Variants in DTNBP1 observed in about 807,000 individuals in gnomAD.
DTNBP1 encodes the protein dysbindin.
A neutral mutation model predicts 42.8 loss-of-function variants in DTNBP1; 35 were observed. The ratio of observed to expected loss-of-function variants is 0.82; its 90% confidence interval spans 0.63 to 1.09. The LOEUF (loss-of-function observed/expected upper bound fraction) is 1.09. Ranked by LOEUF, DTNBP1 falls within the 50% of genes least tolerant of loss-of-function variation. DTNBP1 has a pLI of 0.00. For synonymous variants in DTNBP1, 171 were observed against 162.2 expected (o/e 1.05, Z -0.41); for missense variants, 457 against 424.2 (o/e 1.08, Z -0.68).
At chr6:15,596,475 C>T (rs920768379) in intron 6 of DTNBP1, among the ~76,000 whole-genome samples, 4 of 152,214 alleles carry the variant, frequency 2.6e-5, no homozygotes, top group African/African-American at 9.7e-5. Flanking sequence ...GAGACCACTT[C>T]TCTGTTTTCA....
chr6:15,614,240 TA>T (rs1301801011), intron 6 of DTNBP1, among the ~76,000 whole-genome samples: 1 of 151,854 alleles, frequency 6.6e-6, no homozygotes, highest in Non-Finnish European at 1.5e-5. Flanking sequence ...TCATTGGGGG[TA>T]GGGGGGTGGT....
chr6:15,615,739 A>C (rs918811531), intron 5 of DTNBP1, among the ~76,000 whole-genome samples: 1 of 152,256 alleles, frequency 6.6e-6, no homozygotes, highest in African/African-American at 2.4e-5. Context: ...TTTTCACATA[A>C]GAATATGGTA....
At chr6:15,622,788 G>C (rs1410903077) in intron 5 of DTNBP1, among the ~76,000 whole-genome samples, 2 of 152,184 alleles carry the variant, frequency 1.3e-5, no homozygotes, top group African/African-American at 4.8e-5. Context: ...CCGTCCCAGA[G>C]GAAAAGCAAT....
chr6:15,611,994 A>C (rs1038397591), intron 6 of DTNBP1, among the ~76,000 whole-genome samples: 3 of 152,258 alleles, frequency 2.0e-5, no homozygotes, highest in African/African-American at 7.2e-5. Context: ...GATTGATTCC[A>C]ATTTTTTAAG....
At position 15,587,214 on chromosome 6, in the gene DTNBP1, T is replaced by C. The variant is rs1474576705; in HGVS notation, c.511+5845A>G. On this transcript the variant is annotated intron_variant, in intron 7 of 9. Coordinates refer to ENST00000344537, the MANE Select transcript of DTNBP1 (RefSeq NM_032122.5). The surrounding 1 kb of genome is among the most constrained non-coding windows in gnomAD (Gnocchi z 4.1). ...AGGAATAAATTTAAGACTCACATAT[T>C]GAAAACAACAAAACTGCTTAGAAAA... 3.9e-5 allele frequency among the ~76,000 whole-genome samples: 6 copies of C among 152,186 alleles called. No individual in the cohort carries two copies. The highest frequency in any genetic ancestry group is 1.4e-4 in the African/African-American group (6 of 41,438).
chr6:15,588,935 T>C (rs150652242), intron 7 of DTNBP1, among the ~76,000 whole-genome samples: 47 of 152,354 alleles, frequency 3.1e-4, no homozygotes, highest in African/African-American at 1.1e-3. Context: ...TTCTATATTA[T>C]ATTCAAATTA....
At chr6:15,640,153 A>G (rs764696815) in intron 3 of DTNBP1, among the ~76,000 whole-genome samples, 2 of 152,298 alleles carry the variant, frequency 1.3e-5, no homozygotes, top group Non-Finnish European at 2.9e-5. Context: ...AATCCATTAC[A>G]ATGTATGCTA....
At chr6:15,654,765 G>A (rs1173702713) in intron 1 of DTNBP1, among the ~76,000 whole-genome samples, 3 of 152,096 alleles carry the variant, frequency 2.0e-5, no homozygotes, top group Admixed American at 6.5e-5. Context: ...TTAAAAATTG[G>A]TCTTTAACCA....
At chr6:15,573,647 GA>G (rs537355144) in intron 7 of DTNBP1, among the ~76,000 whole-genome samples, 6 of 147,358 alleles carry the variant, frequency 4.1e-5, no homozygotes, top group East Asian at 3.9e-4. Context: ...TGTCTCAGAA[GA>G]AAAAAAAAAC....
intron 7 of DTNBP1, among the ~76,000 whole-genome samples, chr6:15,591,689 T>C (rs974612832): frequency 3.9e-5 from 6 of 152,214 alleles, no homozygotes; most frequent in African/African-American, 1.2e-4. Flanking sequence ...TCTCTGAATA[T>C]TGTCACACTA....
intron 9 of DTNBP1, chr6:15,524,207 C>T: frequency 1.3e-6 from 2 of 1,509,002 alleles, no homozygotes; most frequent in Non-Finnish European, 1.8e-6. Flanking sequence ...CCTGCAAACG[C>T]CAGTCCTTAA....
intron 4 of DTNBP1, among the ~76,000 whole-genome samples, chr6:15,628,508 C>A (rs554967939): frequency 1.4e-5 from 2 of 145,252 alleles, no homozygotes; most frequent in South Asian, 2.1e-4. Flanking sequence ...CAGGTTCATG[C>A]GATTCTCCTG....
At chr6:15,567,628 C>G (rs1445864592) in intron 7 of DTNBP1, among the ~76,000 whole-genome samples, 1 of 152,212 alleles carries the variant, frequency 6.6e-6, no homozygotes, top group Non-Finnish European at 1.5e-5. Flanking sequence ...ATTGTCCCAT[C>G]TTTCTGGATC....
intron 4 of DTNBP1, among the ~76,000 whole-genome samples, chr6:15,631,302 G>C (rs1441526613): frequency 2.0e-5 from 3 of 152,124 alleles, no homozygotes; most frequent in Non-Finnish European, 4.4e-5. Context: ...CTTTTGATGA[G>C]CTGTGGGTTT....
chr6:15,615,980 C>T (rs1223023533), intron 5 of DTNBP1, among the ~76,000 whole-genome samples: 1 of 152,228 alleles, frequency 6.6e-6, no homozygotes, highest in East Asian at 1.9e-4. Flanking sequence ...GGTGACTAGT[C>T]TTTCACTACT....
chr6:15,584,641 C>A (rs1360355513), intron 7 of DTNBP1, among the ~76,000 whole-genome samples: 2 of 150,518 alleles, frequency 1.3e-5, no homozygotes, highest in East Asian at 1.9e-4. Context: ...GTTTGATATA[C>A]CTTATTCAAA....
chr6:15,573,994 C>T (rs1312576016), intron 7 of DTNBP1, among the ~76,000 whole-genome samples: 3 of 152,158 alleles, frequency 2.0e-5, no homozygotes, highest in Non-Finnish European at 4.4e-5. Context: ...TGTGAGCCAC[C>T]GCGCCCAGAC....
chr6:15,580,295 T>G (rs552583051), intron 7 of DTNBP1, among the ~76,000 whole-genome samples: 10 of 152,290 alleles, frequency 6.6e-5, no homozygotes, highest in Non-Finnish European at 1.0e-4. Flanking sequence ...AATACTCAGG[T>G]GAGGGTCTAT....
At chr6:15,596,372 C>T (rs1450085777) in intron 6 of DTNBP1, among the ~76,000 whole-genome samples, 1 of 152,198 alleles carries the variant, frequency 6.6e-6, no homozygotes, top group Non-Finnish European at 1.5e-5. Context: ...TACTCCCTCG[C>T]TTCGCATTCA....
Sources: gnomAD v4.1 joint callset for allele counts (sites outside exome capture counted in the v4.1 genomes callset) on GRCh38, gnomAD v4.1.1 for gene constraint, Gnocchi (gnomAD v3.1) non-coding constraint, MANE v1.5 for transcripts, NCBI Gene and HGNC (gene_info 2026-07-23, HGNC 2026-07-21) for gene names.